ZNF184: variants seen among roughly 807,000 people sequenced by gnomAD.
The protein encoded by ZNF184 is zinc finger protein 184 (Kruppel-like).
A neutral mutation model predicts 54.4 loss-of-function variants in ZNF184; 16 were observed. The observed-to-expected ratio is 0.29, with a 90% CI of 0.20 to 0.45. The LOEUF is 0.45. Ranked by LOEUF, ZNF184 falls within the 20% of genes least tolerant of loss-of-function variation. The pLI is 1.00. For missense variants in ZNF184, 681 were observed against 888.2 expected (o/e 0.77, Z 2.97); for synonymous variants, 254 against 295.3 (o/e 0.86, Z 1.43).
chr6:27,440,164 G>A, the ZNF184 span, among the ~76,000 whole-genome samples: 2 of 152,190 alleles, frequency 1.3e-5, no homozygotes, highest in African/African-American at 4.8e-5. Context: ...TAAAGTGGAT[G>A]AACTGATTTT....
chr6:27,435,344 G>A, the ZNF184 span, among the ~76,000 whole-genome samples: 3 of 152,026 alleles, frequency 2.0e-5, no homozygotes, highest in Non-Finnish European at 4.4e-5. Flanking sequence ...AGTTTTTAGT[G>A]TACAAATCAT....
Position 27,453,309 on chromosome 6 carries a change from A to T in ZNF184, c.299-49T>A. 6.7e-7 allele frequency: 1 copy of T among 1,493,506 alleles called. No individual in the cohort carries two copies. The highest frequency in any genetic ancestry group is 8.9e-7 in the Non-Finnish European group (1 of 1,120,862). 92.5% of individuals were successfully genotyped at this position (1,493,506 alleles called of 1,614,324 possible). On this transcript the variant is annotated intron_variant, in intron 5 of 5. Transcript: ENST00000683788. The surrounding 1 kb of genome is among the most constrained non-coding windows in gnomAD (Gnocchi z 4.7). ...TGTTCTCTGAATAGAGAAAAAATAA[A>T]CTGCTATTGTGGGAATAATATAATG...
At chr6:27,471,365 A>C (rs1255863787) in intron 2 of ZNF184, among the ~76,000 whole-genome samples, 1 of 152,230 alleles carries the variant, frequency 6.6e-6, no homozygotes, top group Non-Finnish European at 1.5e-5. Context: ...AAGGATAATA[A>C]TAATTCCATT....
At position 27,454,254 on chromosome 6, in the gene ZNF184, C is replaced by T. The variant is rs559295191; in HGVS notation, c.299-994G>A. On this transcript the variant is annotated intron_variant, in intron 5 of 5. Coordinates refer to ENST00000683788, the MANE Select transcript of ZNF184 (RefSeq NM_001318891.2). ...TCCTGAATCTTTCCCATATTGCAAG[C>T]CCAGTCACTATCACTACCACTACCA... Among the ~76,000 whole-genome samples, 212 of 152,222 alleles carry T rather than the reference C, an allele frequency of 1.4e-3. 1 individual carries two copies. Among genetic ancestry groups the T allele is most frequent in the Non-Finnish European group, 2.3e-3 (157 of 68,018 alleles).
At chr6:27,462,494 G>A (rs1057092932) in intron 3 of ZNF184, among the ~76,000 whole-genome samples, 3 of 151,052 alleles carry the variant, frequency 2.0e-5, no homozygotes, top group African/African-American at 7.3e-5. Context: ...CACTGCGCCT[G>A]GCCAAGAATA....
chr6:27,416,158 C>G, the ZNF184 span, among the ~76,000 whole-genome samples: 35 of 152,306 alleles, frequency 2.3e-4, no homozygotes, highest in African/African-American at 8.2e-4. Context: ...TGATTATCTG[C>G]AAAGTCTATT....
the ZNF184 span, among the ~76,000 whole-genome samples, chr6:27,442,102 C>T: frequency 2.2e-4 from 34 of 152,184 alleles, no homozygotes; most frequent in Non-Finnish European, 2.8e-4. Context: ...CCTAATTAAT[C>T]TAGGCACTGT....
chr6:27,457,478 C>T, intron 3 of ZNF184, 69 bp from the exon 4 acceptor site: 1 of 1,558,614 alleles, frequency 6.4e-7, no homozygotes, highest in Non-Finnish European at 8.7e-7. Context: ...GTTAGCAATA[C>T]TGACAGAAGT....
chr6:27,418,609 C>G, the ZNF184 span, among the ~76,000 whole-genome samples: 1 of 152,128 alleles, frequency 6.6e-6, no homozygotes, highest in African/African-American at 2.4e-5. Flanking sequence ...TTGCATTTTT[C>G]TGACCCTAGG....
chr6:27,422,880 G>A, the ZNF184 span, among the ~76,000 whole-genome samples: 153 of 152,318 alleles, frequency 1.0e-3, no homozygotes, highest in African/African-American at 3.6e-3. Context: ...GTTATACACA[G>A]CTTTCTCCCT....
At chr6:27,441,084 T>C in the ZNF184 span, among the ~76,000 whole-genome samples, 1 of 152,178 alleles carries the variant, frequency 6.6e-6, no homozygotes, top group Non-Finnish European at 1.5e-5. Context: ...GGCACTTGGC[T>C]ATGTGTCCTT....
At chr6:27,447,135 G>C (rs1762647171), downstream of ZNF184, among the ~76,000 whole-genome samples, 1 of 150,674 alleles carries the variant, frequency 6.6e-6, no homozygotes, top group Admixed American at 6.6e-5. Context: ...TAGGTAACTT[G>C]TTTGATTTCA....
chr6:27,460,751 C>G (rs1170337625), intron 3 of ZNF184, among the ~76,000 whole-genome samples: 1 of 152,196 alleles, frequency 6.6e-6, no homozygotes, highest in Non-Finnish European at 1.5e-5. Context: ...CATGACATAA[C>G]TGAATAGAGT....
the ZNF184 span, chr6:27,405,134 C>T: frequency 3.9e-5 from 6 of 152,212 alleles, 1 homozygote; most frequent in East Asian, 5.8e-4. Flanking sequence ...ATGGCAAAAA[C>T]GGCAATTACT....
At chr6:27,426,204 T>A in the ZNF184 span, among the ~76,000 whole-genome samples, 4 of 152,228 alleles carry the variant, frequency 2.6e-5, no homozygotes, top group Non-Finnish European at 5.9e-5. The surrounding 1 kb of genome is among the most constrained non-coding windows in gnomAD (Gnocchi z 4.2). Flanking sequence ...CTGAGTGACA[T>A]CAATGTGCCT....
chr6:27,409,498 C>CAAAAAAAAAA, the ZNF184 span, among the ~76,000 whole-genome samples: 6 of 39,922 alleles, frequency 1.5e-4, no homozygotes, highest in African/African-American at 2.9e-4. Flanking sequence ...GACTCCGTCT[C>CAAAAAAAAAA]AAAAAAAAAA....
chr6:27,423,117 C>G, the ZNF184 span, among the ~76,000 whole-genome samples: 1 of 152,242 alleles, frequency 6.6e-6, no homozygotes. Flanking sequence ...TACGCGGCCT[C>G]AGTCTGCGAA....
the ZNF184 span, among the ~76,000 whole-genome samples, chr6:27,439,619 G>A: frequency 6.6e-6 from 1 of 152,222 alleles, no homozygotes; most frequent in South Asian, 2.1e-4. Context: ...TTATCATCTC[G>A]CATCATCACA....
the ZNF184 span, among the ~76,000 whole-genome samples, chr6:27,437,748 T>A: frequency 3.1e-4 from 47 of 152,172 alleles, no homozygotes; most frequent in Non-Finnish European, 4.7e-4. Flanking sequence ...TTCTTTAACC[T>A]CTTAAAAAAT....
Sources: gnomAD v4.1 joint callset for allele counts (sites outside exome capture counted in the v4.1 genomes callset) on GRCh38, gnomAD v4.1.1 for gene constraint, Gnocchi (gnomAD v3.1) non-coding constraint, MANE v1.5 for transcripts, NCBI Gene and HGNC (gene_info 2026-07-23, HGNC 2026-07-21) for gene names.